The following ZDHHC7 variants were observed in gnomAD, a reference collection of about 807,000 sequenced individuals.
ZDHHC7 encodes the protein zDHHC palmitoyltransferase 7, also known as palmitoyltransferase ZDHHC7.
In ZDHHC7, 12 loss-of-function variants were observed where a neutral mutation model predicts 34.1. That is an observed-to-expected ratio of 0.35 (90% confidence interval 0.23 to 0.57). The LOEUF (loss-of-function observed/expected upper bound fraction) is 0.57, where lower values mean the gene tolerates loss of function less well. ZDHHC7 is among the 20% of genes least tolerant of loss of function. The probability of loss-of-function intolerance (pLI) is 0.84; values close to 1 mark genes in which losing one functional copy is unlikely to be tolerated. For missense variants in ZDHHC7, 388 were observed against 402.7 expected, an observed-to-expected ratio of 0.96 and a Z score of 0.31; for synonymous variants, 185 against 155.4, an observed-to-expected ratio of 1.19 and a Z score of -1.42.
rs1555514503 is a variant in ZDHHC7, at chr16:84,992,162, AAAAAG to A, written c.-17-1532_-17-1528del. On this transcript the variant is annotated intron_variant, in intron 2 of 7. Transcript: ENST00000313732. ...CTGCACTGGACTCAGTCTCAAAAAAAAAAAGAAAAGAAAAGAAAAAAGTGGGTCAG... is the reference window on the plus strand; with the variant it reads ...CTGCACTGGACTCAGTCTCAAAAAAAAAAAGAAAAGAAAAAAGTGGGTCAG... 4.1e-3 allele frequency among the ~76,000 whole-genome samples: 617 copies of A among 150,192 alleles called. 2 individuals are homozygous for A. Among genetic ancestry groups the A allele is most frequent in the African/African-American group, 0.014 (577 of 40,690 alleles).
At chr16:85,000,239 G>A (rs1164406003) in intron 1 of ZDHHC7, among the ~76,000 whole-genome samples, 2 of 152,170 alleles carry the variant, frequency 1.3e-5, no homozygotes, top group African/African-American at 4.8e-5. Context: ...GGTATGTACG[G>A]CCGGTGTGAT....
the ZDHHC7 span, among the ~76,000 whole-genome samples, chr16:85,024,663 GC>G: frequency 1.3e-5 from 2 of 151,376 alleles, no homozygotes; most frequent in African/African-American, 4.9e-5. Flanking sequence ...GCTTTTCCCT[GC>G]CTATCCAGAA....
intron 4 of ZDHHC7, 60 bp downstream of exon 4, chr16:84,981,810 C>G (rs1339883146): frequency 6.2e-7 from 1 of 1,611,664 alleles, no homozygotes; most frequent in Non-Finnish European, 8.5e-7. Flanking sequence ...TGGTTTAATA[C>G]AGCAGCACAC....
chr16:84,979,956 T>TGG (rs2072346003), intron 4 of ZDHHC7, among the ~76,000 whole-genome samples: 1 of 143,836 alleles, frequency 7.0e-6, no homozygotes, highest in African/African-American at 2.6e-5. Flanking sequence ...CACCTTTTTT[T>TGG]TTTTTTTTTT....
Position 84,979,293 on chromosome 16 carries a change from G to A in ZDHHC7, c.441-8C>T, listed in dbSNP as rs2072336705. On this transcript the variant is annotated splice_polypyrimidine_tract_variant and splice_region_variant and intron_variant, in intron 4 of 7. Coordinates refer to ENST00000313732, the MANE Select transcript of ZDHHC7 (RefSeq NM_017740.3). ...ATACATCTTTTGCAAATACTGAAAA[G>A]GAGAGTTTGATTTTTCAGTATTCCA... The A allele has an allele frequency of 6.2e-7, 1 of 1,607,638 alleles. No homozygotes were observed.
intron 4 of ZDHHC7, among the ~76,000 whole-genome samples, chr16:84,979,966 T>G (rs1029485712): frequency 6.9e-6 from 1 of 145,916 alleles, no homozygotes; most frequent in East Asian, 2.0e-4. Flanking sequence ...TTTTTTTTTT[T>G]TTTTTTGAGA....
At chr16:84,998,015 C>T (rs952396059) in intron 1 of ZDHHC7, among the ~76,000 whole-genome samples, 10 of 149,940 alleles carry the variant, frequency 6.7e-5, no homozygotes, top group Non-Finnish European at 1.3e-4. Flanking sequence ...AATCCCAGTA[C>T]TTTGGGAGGC....
At chr16:85,011,729 A>C (rs1473174071), upstream of ZDHHC7, among the ~76,000 whole-genome samples, 2 of 152,190 alleles carry the variant, frequency 1.3e-5, no homozygotes, top group Non-Finnish European at 1.5e-5. Flanking sequence ...CGGAGGAGAA[A>C]GGATAGGGGC....
At chr16:84,990,772 A>G (rs772902457) in intron 2 of ZDHHC7, 137 bp from the exon 3 acceptor site, 2 of 710,320 alleles carry the variant, frequency 2.8e-6, no homozygotes, top group Non-Finnish European at 4.6e-6. Flanking sequence ...ACATAAAAAC[A>G]TAACTAAGAT....
rs1316500113 is a variant in ZDHHC7, at chr16:84,974,906, A to G, written c.*1437T>C. 1.3e-5 allele frequency: 2 copies of G among 152,676 alleles called. No homozygotes were observed. The highest frequency in any genetic ancestry group is 3.9e-4 in the East Asian group (2 of 5,192). 9.5% of individuals were successfully genotyped at this position (152,676 alleles called of 1,614,324 possible). A position where few individuals can be genotyped will look rare whatever the true frequency, so the allele number is the denominator to read the frequency against. On this transcript the variant is annotated 3_prime_UTR_variant, in exon 8 of 8. Transcript: ENST00000313732. The stretch of plus-strand genomic sequence containing the variant: ...GATTCGGATGGGGTACAGAGTAATT[A>G]AAAACAAAAAACAGTTCACAGATGA...
upstream of ZDHHC7, among the ~76,000 whole-genome samples, chr16:85,012,827 G>A (rs1597572091): frequency 6.6e-6 from 1 of 152,068 alleles, no homozygotes; most frequent in Middle Eastern, 3.4e-3. Context: ...AACCGCTTGA[G>A]AACCGGGAGG....
At chr16:84,998,396 G>A (rs961166596) in intron 1 of ZDHHC7, among the ~76,000 whole-genome samples, 6 of 152,192 alleles carry the variant, frequency 3.9e-5, no homozygotes, top group African/African-American at 9.6e-5. Flanking sequence ...TGGCTTCGGC[G>A]CCGGCTGCCT....
chr16:85,019,837 G>A, the ZDHHC7 span, among the ~76,000 whole-genome samples: 2 of 152,216 alleles, frequency 1.3e-5, no homozygotes, highest in African/African-American at 2.4e-5. Flanking sequence ...GAGAGGTTGA[G>A]CAGTGTGCTC....
rs2072297996 is a variant in ZDHHC7 at position 84,976,420 on chromosome 16, T to C, written c.850A>G (p.Met284Val). The C allele has an allele frequency of 6.2e-7, 1 of 1,614,152 alleles. No homozygotes were observed. Among genetic ancestry groups the C allele is most frequent in the Non-Finnish European group, 8.5e-7 (1 of 1,180,006 alleles). ...VFGGPPSLLW[M>V]NPFVGFRFRR... ...AATCGGAAGCCCACAAAGGGATTCATCCAGAGGAGTGAGGGGGGCCCCCCA... is the reference window on the plus strand; with the variant it reads ...AATCGGAAGCCCACAAAGGGATTCACCCAGAGGAGTGAGGGGGGCCCCCCA... The change falls in exon 8 of 8, where the codon ATG (methionine) becomes GTG (valine). Residue 284 changes from methionine (M) to valine (V), a missense_variant. Physicochemically the swap from Met to Val is conservative, Grantham distance 21. Transcript: ENST00000313732.
At chr16:84,989,864 T>C (rs1050414195) in intron 3 of ZDHHC7, among the ~76,000 whole-genome samples, 19 of 152,250 alleles carry the variant, frequency 1.2e-4, no homozygotes, top group Middle Eastern at 3.4e-3. Flanking sequence ...TTTTTTCAAA[T>C]GAAAATCTAC....
upstream of ZDHHC7, among the ~76,000 whole-genome samples, chr16:85,015,966 A>C (rs2072832450): frequency 6.6e-6 from 1 of 152,118 alleles, no homozygotes; most frequent in Non-Finnish European, 1.5e-5. Flanking sequence ...TTTCTTCATC[A>C]GTCTTAAGAT....
intron 3 of ZDHHC7, among the ~76,000 whole-genome samples, chr16:84,985,841 G>C (rs1463156595): frequency 1.3e-5 from 2 of 149,338 alleles, no homozygotes; most frequent in African/African-American, 4.9e-5. Context: ...TGTAATCCCA[G>C]CTACTCAGAA....
At chr16:84,990,881 C>A (rs2143644716) in intron 2 of ZDHHC7, among the ~76,000 whole-genome samples, 1 of 152,312 alleles carries the variant, frequency 6.6e-6, no homozygotes. Context: ...TATCTATGGC[C>A]AGCCGTGGCC....
chr16:85,009,707 T>C (rs1205128439), intron 1 of ZDHHC7, among the ~76,000 whole-genome samples: 2 of 127,528 alleles, frequency 1.6e-5, no homozygotes, highest in Non-Finnish European at 3.4e-5. Flanking sequence ...CTGACTTTTT[T>C]TCTTTTTTTT....
Sources: gnomAD v4.1 joint callset for allele counts (sites outside exome capture counted in the v4.1 genomes callset) on GRCh38, gnomAD v4.1.1 for gene constraint, MANE v1.5 for transcripts, NCBI Gene and HGNC (gene_info 2026-07-23, HGNC 2026-07-21) for gene names.